FANCC: variants seen among roughly 807,000 people sequenced by gnomAD.
The protein encoded by FANCC is FA complementation group C, also known as Fanconi anemia group C protein.
FANCC carries 55 observed loss-of-function variants against 71.3 expected under a neutral mutation model. That is an observed-to-expected ratio of 0.77 (90% CI 0.62 to 0.97). The LOEUF (loss-of-function observed/expected upper bound fraction) is 0.97, where lower values mean the gene tolerates loss of function less well. FANCC is among the 50% of genes least tolerant of loss of function. FANCC has a pLI of 0.00. For synonymous variants in FANCC, 275 were observed against 244.9 expected, an observed-to-expected ratio of 1.12 and a Z score of -1.15; for missense variants, 678 against 670.9, an observed-to-expected ratio of 1.01 and a Z score of -0.12.
At chr9:95,188,559 T>C (rs1040502711) in intron 4 of FANCC, among the ~76,000 whole-genome samples, 6 of 152,178 alleles carry the variant, frequency 3.9e-5, no homozygotes, top group Non-Finnish European at 8.8e-5. Context: ...AAAAGCAAAA[T>C]ATTTGCTTTC....
intron 10 of FANCC, chr9:95,124,001 G>A: frequency 3.0e-6 from 1 of 335,314 alleles, no homozygotes; most frequent in South Asian, 2.5e-5. Flanking sequence ...TACACGCAGG[G>A]GCTGAAGTGT....
chr9:95,117,060 A>G (rs1050546564), intron 11 of FANCC, among the ~76,000 whole-genome samples: 1 of 152,210 alleles, frequency 6.6e-6, no homozygotes, highest in African/African-American at 2.4e-5. Flanking sequence ...CTGGAGGCAG[A>G]CTAGCAACAC....
Position 95,101,721 on chromosome 9 carries a change from G to T in FANCC, c.1663C>A (p.Arg555=), listed in dbSNP as rs370974124. 4.3e-6 allele frequency: 7 copies of T among 1,613,826 alleles called. No individual in the cohort carries two copies. The highest frequency in any genetic ancestry group is 5.9e-6 in the Non-Finnish European group (7 of 1,179,996). The part of the protein sequence containing the change: ...KLARELLKEL[R]TQV ...CTGCGTGCCTTCTAGACTTGAGTTCGCAGCTCTTTAAGGAGCTCTCGGGCC... is the reference window on the plus strand; with the variant it reads ...CTGCGTGCCTTCTAGACTTGAGTTCTCAGCTCTTTAAGGAGCTCTCGGGCC... The change falls in exon 15 of 15, where the codon CGA becomes AGA. Residue 555 remains arginine, a synonymous_variant. Transcript: ENST00000289081.
intron 1 of FANCC, among the ~76,000 whole-genome samples, chr9:95,278,360 G>T (rs1475337953): frequency 1.3e-5 from 2 of 152,168 alleles, no homozygotes; most frequent in Non-Finnish European, 2.9e-5. Context: ...TCCAAATTTT[G>T]AATTTTGCTC....
chr9:95,306,668 C>A (rs1480548032), intron 1 of FANCC, among the ~76,000 whole-genome samples: 1 of 152,086 alleles, frequency 6.6e-6, no homozygotes, highest in Admixed American at 6.5e-5. Context: ...GTTTGGGTAA[C>A]CAGAAATACC....
At chr9:95,210,531 T>C (rs945451653) in intron 4 of FANCC, among the ~76,000 whole-genome samples, 2 of 152,080 alleles carry the variant, frequency 1.3e-5, no homozygotes, top group Non-Finnish European at 2.9e-5. Context: ...CACACACACA[T>C]ACACATACAC....
At chr9:95,267,872 C>G (rs1036858464) in intron 1 of FANCC, among the ~76,000 whole-genome samples, 2 of 152,092 alleles carry the variant, frequency 1.3e-5, no homozygotes, top group African/African-American at 2.4e-5. Flanking sequence ...TCATTAAAAC[C>G]TAAAAACTCA....
chr9:95,204,099 C>T (rs904424178), intron 4 of FANCC, among the ~76,000 whole-genome samples: 4 of 152,084 alleles, frequency 2.6e-5, no homozygotes, highest in South Asian at 4.1e-4. Flanking sequence ...TAATAAGACA[C>T]GGTTAGTATA....
At chr9:95,234,165 C>T (rs900691148) in intron 4 of FANCC, among the ~76,000 whole-genome samples, 3 of 152,086 alleles carry the variant, frequency 2.0e-5, no homozygotes, top group South Asian at 2.1e-4. Context: ...CTTCTGCAAG[C>T]GAATCATCAG....
At chr9:95,309,794 G>A (rs1216595171) in intron 1 of FANCC, among the ~76,000 whole-genome samples, 9 of 152,144 alleles carry the variant, frequency 5.9e-5, no homozygotes, top group Non-Finnish European at 1.2e-4. Flanking sequence ...GGGTGGGGGT[G>A]TTGTTCTGCT....
intron 4 of FANCC, among the ~76,000 whole-genome samples, chr9:95,196,289 G>C (rs1827451522): frequency 6.6e-6 from 1 of 151,876 alleles, no homozygotes; most frequent in South Asian, 2.1e-4. Flanking sequence ...AATTTATTGG[G>C]AGATTTTTTT....
intron 10 of FANCC, among the ~76,000 whole-genome samples, chr9:95,118,120 A>G (rs1383034810): frequency 1.3e-5 from 2 of 152,008 alleles, no homozygotes; most frequent in African/African-American, 4.8e-5. Flanking sequence ...CCGGGTCCAA[A>G]TGATTCTCCT....
chr9:95,178,713 G>A (rs1826165539), intron 4 of FANCC, among the ~76,000 whole-genome samples: 1 of 152,230 alleles, frequency 6.6e-6, no homozygotes, highest in African/African-American at 2.4e-5. Context: ...GTCAACACAC[G>A]GACACAGCAC....
At chr9:95,110,556 A>C in intron 13 of FANCC, 1 of 1,032,446 alleles carries the variant, frequency 9.7e-7, no homozygotes, top group Non-Finnish European at 1.2e-6. Context: ...ATAAATTATC[A>C]CCAAATTTCA....
intron 7 of FANCC, among the ~76,000 whole-genome samples, chr9:95,148,598 G>A (rs978342117): frequency 2.0e-5 from 3 of 152,144 alleles, no homozygotes; most frequent in African/African-American, 7.2e-5. Flanking sequence ...TGAGCTCCAT[G>A]GTGGCAGTAA....
chr9:95,296,162 A>T (rs1005827810), intron 1 of FANCC, among the ~76,000 whole-genome samples: 3 of 152,206 alleles, frequency 2.0e-5, no homozygotes, highest in Non-Finnish European at 4.4e-5. Flanking sequence ...AAGTGATTTT[A>T]AAAATCAAAA....
At chr9:95,175,786 G>C (rs1226511430) in intron 4 of FANCC, among the ~76,000 whole-genome samples, 1 of 152,274 alleles carries the variant, frequency 6.6e-6, no homozygotes, top group Admixed American at 6.5e-5. Flanking sequence ...ATCCCCAGTG[G>C]GGTGCAGTGC....
chr9:95,272,216 T>G (rs1623009), intron 1 of FANCC, among the ~76,000 whole-genome samples: 1 of 151,800 alleles, frequency 6.6e-6, no homozygotes, highest in Non-Finnish European at 1.5e-5. Context: ...GGGATTACAG[T>G]CACAAGCCAC....
intron 8 of FANCC, among the ~76,000 whole-genome samples, chr9:95,133,912 A>C (rs1178107985): frequency 6.6e-6 from 1 of 152,230 alleles, no homozygotes; most frequent in Admixed American, 6.5e-5. Flanking sequence ...TACTGCAACC[A>C]TTTTAAAATA....
Sources: gnomAD v4.1 joint callset for allele counts (sites outside exome capture counted in the v4.1 genomes callset) on GRCh38, gnomAD v4.1.1 for gene constraint, MANE v1.5 for transcripts, NCBI Gene and HGNC (gene_info 2026-07-23, HGNC 2026-07-21) for gene names.